PHGDH: variants seen among roughly 807,000 people sequenced by gnomAD.
The protein encoded by PHGDH is phosphoglycerate dehydrogenase, also known as D-3-phosphoglycerate dehydrogenase.
In PHGDH, 50 loss-of-function variants were observed where a neutral mutation model predicts 52.6. The ratio of observed to expected loss-of-function variants is 0.95; its 90% CI spans 0.76 to 1.20. The LOEUF is 1.20. Ranked by LOEUF, PHGDH falls within the 50% of genes most tolerant of loss-of-function variation. The pLI is 0.00. For missense variants in PHGDH, 630 were observed against 684.6 expected, an observed-to-expected ratio of 0.92 and a Z score of 0.89; for synonymous variants, 271 against 280.5, an observed-to-expected ratio of 0.97 and a Z score of 0.34.
In PHGDH at chr1:119,727,002, A is replaced by G. The variant is rs747290535; in HGVS notation, c.412-2A>G. 1 of 1,612,830 alleles carries G rather than the reference A, an allele frequency of 6.2e-7. No homozygotes were observed. The highest frequency in any genetic ancestry group is 8.5e-7 in the Non-Finnish European group (1 of 1,178,740). On this transcript the variant is annotated splice_acceptor_variant, in intron 4 of 11. Transcript: ENST00000641023. LOFTEE classifies it high-confidence loss of function. ...TCTTTCCTTTTGCCTGTTTGGTTGC[A>G]GTTCATGGGAACAGAGCTGAATGGA...
chr1:119,735,593 C>T, intron 7 of PHGDH, 150 bp downstream of exon 7: 1 of 889,016 alleles, frequency 1.1e-6, no homozygotes, highest in Middle Eastern at 3.4e-4. Context: ...TTGCCAAAAA[C>T]ACACCTTTGT....
At chr1:119,714,206 A>G (rs1650821157) in intron 1 of PHGDH, among the ~76,000 whole-genome samples, 1 of 152,152 alleles carries the variant, frequency 6.6e-6, no homozygotes, top group Admixed American at 6.5e-5. Context: ...TGTCTGGCAT[A>G]GTGTCTCCTG....
chr1:119,743,780 A>G (rs1652318577), intron 11 of PHGDH, 106 bp from the exon 12 acceptor site: 2 of 873,840 alleles, frequency 2.3e-6, no homozygotes, highest in African/African-American at 1.6e-5. Context: ...TCATCCGCTC[A>G]TTGCACCTTT....
chr1:119,724,659 A>ATT (rs34327221), intron 3 of PHGDH: 68,273 of 337,042 alleles, frequency 0.2, 4,937 homozygotes, highest in East Asian at 0.41. Flanking sequence ...ACCTTCAGGG[A>ATT]TTTTTTTTTT....
rs2101155326 is a variant in PHGDH, at chr1:119,721,324, A to C, written c.290+3A>C. On this transcript the variant is annotated splice_donor_region_variant and intron_variant, in intron 2 of 11. Coordinates refer to ENST00000641023, the MANE Select transcript of PHGDH (RefSeq NM_006623.4). ...AGGAAGGGCATCTTGGTTATGAAGT[A>C]AGTCATGGAGGCTGCGGGCGGTTTG... 1 of 1,613,632 alleles carries C rather than the reference A, an allele frequency of 6.2e-7. No homozygotes were observed. The highest frequency in any genetic ancestry group is 8.5e-7 in the Non-Finnish European group (1 of 1,179,826).
intron 2 of PHGDH, 191 bp downstream of exon 2, chr1:119,721,512 A>G (rs764105782): frequency 1.5e-5 from 9 of 597,362 alleles, no homozygotes; most frequent in Non-Finnish European, 2.4e-5. Flanking sequence ...GAAGGCAGCT[A>G]TGCTCACCAC....
At position 119,742,885 on chromosome 1, in the gene PHGDH, G is replaced by A. The variant is rs1652276507; in HGVS notation, c.1288G>A (p.Ala430Thr). 7 of 1,613,870 alleles carry A rather than the reference G, an allele frequency of 4.3e-6. No individual in the cohort carries two copies. Among genetic ancestry groups the A allele is most frequent in the Non-Finnish European group, 2.5e-6 (3 of 1,179,818 alleles). ...CCTCCTGGCCGTGGCCCTGGCAGGC[G>A]CCCCTTACCAGGCTGTGGGCTTGGT... is the stretch of plus-strand genomic sequence containing the variant. The part of the protein sequence containing the change: ...ECLLAVALAG[A>T]PYQAVGLVQG... The change falls in exon 11 of 12, where the codon GCC becomes ACC. Residue 430 changes from alanine to threonine, a missense_variant. By Grantham distance (58) the Ala-to-Thr change is moderately conservative (BLOSUM62 0). Transcript: ENST00000641023.
chr1:119,743,976 C>G lies in PHGDH; in HGVS notation c.1538C>G (p.Ser513Cys). 2 of 1,613,890 alleles carry G rather than the reference C, an allele frequency of 1.2e-6. No individual in the cohort carries two copies. Among genetic ancestry groups the G allele is most frequent in the Non-Finnish European group, 1.7e-6 (2 of 1,179,744 alleles). ...ACCTGGCACGTCATGGGCATCTCCT[C>G]CTTGCTGCCCAGCCTGGAAGCGTGG... The part of the protein sequence containing the change: ...GETWHVMGIS[S>C]LLPSLEAWKQ... The change falls in exon 12 of 12, where the codon TCC becomes TGC. Residue 513 changes from serine to cysteine, a missense_variant. Physicochemically the swap from Ser to Cys is moderately radical, Grantham distance 112. Coordinates refer to ENST00000641023, the MANE Select transcript of PHGDH (RefSeq NM_006623.4).
chr1:119,734,211 C>T, intron 5 of PHGDH: 1 of 322,126 alleles, frequency 3.1e-6, no homozygotes, highest in Non-Finnish European at 6.0e-6. Context: ...CCCTCCCTCC[C>T]TCAGGACTCC....
At chr1:119,712,531 C>T (rs1418411758) in intron 1 of PHGDH, 5 of 309,986 alleles carry the variant, frequency 1.6e-5, no homozygotes, top group East Asian at 1.8e-4. Context: ...CGCCGCCTCT[C>T]CCCCAACCCC....
Position 119,727,018 on chromosome 1 carries a change from GCTGAATGGAAAGACC to G in PHGDH, c.430_444del (p.Asn144_Leu148del), listed in dbSNP as rs1257985336. On this transcript the variant is annotated inframe_deletion, in exon 5 of 12. Transcript: ENST00000641023. The stretch of plus-strand genomic sequence containing the variant: ...TTTGGTTGCAGTTCATGGGAACAGA[GCTGAATGGAAAGACC>G]CTGGGAATTCTTGGCCTGGGCAGGA... The G allele has an allele frequency of 6.2e-7, 1 of 1,613,516 alleles. No individual in the cohort carries two copies. Among genetic ancestry groups the G allele is most frequent in the African/African-American group, 1.3e-5 (1 of 74,932 alleles).
In PHGDH at chr1:119,737,159, A is replaced by C; in HGVS notation, c.838A>C (p.Ser280Arg). 6.2e-7 allele frequency: 1 copy of C among 1,614,150 alleles called. No homozygotes were observed. Among genetic ancestry groups the C allele is most frequent in the Non-Finnish European group, 8.5e-7 (1 of 1,179,956 alleles). ...RALVDHENVI[S>R]CPHLGASTKE... ...CTTGGTGGACCATGAGAATGTCATC[A>C]GCTGTCCCCACCTGGGTGCCAGCAC... The change falls in exon 8 of 12, where the codon AGC becomes CGC. Residue 280 changes from serine to arginine, a missense_variant. Ser to Arg is a moderately radical substitution (Grantham distance 110, BLOSUM62 -1). Coordinates refer to ENST00000641023, the MANE Select transcript of PHGDH (RefSeq NM_006623.4).
chr1:119,741,735 G>C, intron 9 of PHGDH, 32 bp from the exon 10 acceptor site: 1 of 1,608,920 alleles, frequency 6.2e-7, no homozygotes, highest in East Asian at 2.2e-5. Flanking sequence ...TCAACAAACA[G>C]TGACCTCATG....
intron 5 of PHGDH, chr1:119,734,310 C>T (rs962909728): frequency 2.9e-5 from 11 of 379,180 alleles, no homozygotes; most frequent in Middle Eastern, 9.0e-4. Context: ...TGGAGGCAGA[C>T]GCACCTTCTT....
chr1:119,726,793 C>A, intron 3 of PHGDH, 58 bp from the exon 4 acceptor site: 1 of 1,417,592 alleles, frequency 7.1e-7, no homozygotes. Context: ...TGTTGCATCT[C>A]CTTCCTGGGC....
chr1:119,724,130 A>C (rs1651292307), intron 3 of PHGDH, among the ~76,000 whole-genome samples: 1 of 152,148 alleles, frequency 6.6e-6, no homozygotes. Flanking sequence ...TGTGTTGGTT[A>C]GTAATTTGGC....
At chr1:119,721,361 G>GTTTTTT (rs1557968133) in intron 2 of PHGDH, 40 bp downstream of exon 2, 9 of 1,603,204 alleles carry the variant, frequency 5.6e-6, no homozygotes, top group Non-Finnish European at 7.7e-6. Flanking sequence ...GGGTAGGGGG[G>GTTTTTT]TGAGTGCGGA....
intron 7 of PHGDH, among the ~76,000 whole-genome samples, chr1:119,736,881 T>TTAA (rs2101203547): frequency 6.6e-6 from 1 of 152,328 alleles, no homozygotes; most frequent in South Asian, 2.1e-4. Context: ...GGTGGTTAAG[T>TTAA]GGTGAAGGTG....
Position 119,742,001 on chromosome 1 carries a change from T to G in PHGDH, c.1209+104T>G, listed in dbSNP as rs898979627. 1.7e-5 allele frequency: 17 copies of G among 980,190 alleles called. No individual in the cohort carries two copies. In the African/African-American group the frequency reaches 2.4e-4, roughly 14 times the overall value. 60.7% of individuals were successfully genotyped at this position (980,190 alleles called of 1,614,324 possible). ...CTGAGCGGAGGCCTAGGTCCCAGCC[T>G]TGCATCGGCCTGTCTACCTGTGAGG... is the stretch of plus-strand genomic sequence containing the variant. On this transcript the variant is annotated intron_variant, in intron 10 of 11. Coordinates refer to ENST00000641023, the MANE Select transcript of PHGDH (RefSeq NM_006623.4).
Sources: allele counts gnomAD v4.1 joint callset (sites outside exome capture counted in the v4.1 genomes callset), GRCh38; gene constraint gnomAD v4.1.1; transcripts MANE v1.5; gene names NCBI Gene and HGNC (gene_info 2026-07-23, HGNC 2026-07-21).